SND1: variants seen among roughly 807,000 people sequenced by gnomAD.
The protein encoded by SND1 is staphylococcal nuclease and tudor domain containing 1, also known as staphylococcal nuclease domain-containing protein 1.
In SND1, 38 loss-of-function variants were observed where a neutral mutation model predicts 121.7. The ratio of observed to expected loss-of-function variants is 0.31; its 90% CI spans 0.24 to 0.41. The LOEUF is 0.41. Among genes scored for constraint, SND1 ranks in the 10% least tolerant of loss-of-function variants. SND1 has a pLI of 1.00. For synonymous variants in SND1, 401 were observed against 447.4 expected, an observed-to-expected ratio of 0.90 and a Z score of 1.31; for missense variants, 868 against 1,184.6, an observed-to-expected ratio of 0.73 and a Z score of 3.92.
intron 11 of SND1, among the ~76,000 whole-genome samples, chr7:127,813,178 AT>A (rs1332637618): frequency 1.3e-5 from 2 of 152,166 alleles, no homozygotes; most frequent in African/African-American, 4.8e-5. Flanking sequence ...CCGACCATGC[AT>A]TTTTCTAGGA....
At chr7:127,829,378 T>G (rs1554431895) in intron 11 of SND1, among the ~76,000 whole-genome samples, 1 of 152,156 alleles carries the variant, frequency 6.6e-6, no homozygotes, top group Non-Finnish European at 1.5e-5. Flanking sequence ...CACTGAAAGA[T>G]TTCTTCCTCA....
intron 13 of SND1, among the ~76,000 whole-genome samples, chr7:127,902,090 A>G (rs1262406793): frequency 6.6e-6 from 1 of 152,176 alleles, no homozygotes; most frequent in Non-Finnish European, 1.5e-5. Context: ...TCACAGAAAG[A>G]AAGCAGAATT....
chr7:127,936,305 A>G (rs1801061351), intron 15 of SND1, among the ~76,000 whole-genome samples: 1 of 152,026 alleles, frequency 6.6e-6, no homozygotes, highest in Non-Finnish European at 1.5e-5. Context: ...GTTAGCAAGG[A>G]AGCCAAGATC....
intron 10 of SND1, among the ~76,000 whole-genome samples, chr7:127,791,878 A>G (rs1381153786): frequency 6.6e-6 from 1 of 152,248 alleles, no homozygotes; most frequent in East Asian, 1.9e-4. Flanking sequence ...CCACGTTGAC[A>G]CATTTAAGCT....
intron 10 of SND1, among the ~76,000 whole-genome samples, chr7:127,784,301 G>A (rs1349041596): frequency 1.3e-5 from 2 of 152,140 alleles, no homozygotes; most frequent in Non-Finnish European, 2.9e-5. Context: ...GTCTCTGCCG[G>A]GCAAACAAAG....
At chr7:127,778,297 C>A (rs911252355) in intron 10 of SND1, among the ~76,000 whole-genome samples, 1 of 152,102 alleles carries the variant, frequency 6.6e-6, no homozygotes, top group Non-Finnish European at 1.5e-5. Flanking sequence ...CGGGTTCAAG[C>A]AATTCCCTGG....
At chr7:127,690,928 C>T (rs1388403610) in intron 2 of SND1, among the ~76,000 whole-genome samples, 1 of 152,208 alleles carries the variant, frequency 6.6e-6, no homozygotes, top group Admixed American at 6.5e-5. Flanking sequence ...AGAAACTCAG[C>T]TGTCTCTTAA....
At chr7:127,827,336 T>C (rs983179386) in intron 11 of SND1, among the ~76,000 whole-genome samples, 1 of 152,240 alleles carries the variant, frequency 6.6e-6, no homozygotes, top group Non-Finnish European at 1.5e-5. Flanking sequence ...TAAATATTGA[T>C]CATTTTTTAA....
intron 10 of SND1, among the ~76,000 whole-genome samples, chr7:127,803,877 T>C (rs1798181333): frequency 6.6e-6 from 1 of 152,260 alleles, no homozygotes; most frequent in Non-Finnish European, 1.5e-5. Context: ...TGACGTTACC[T>C]CTTCCATCTC....
chr7:127,791,858 A>G (rs150882888), intron 10 of SND1, among the ~76,000 whole-genome samples: 110 of 152,320 alleles, frequency 7.2e-4, no homozygotes, highest in Non-Finnish European at 1.3e-3. Context: ...CATTTTATGC[A>G]ATATAGTAAC....
rs534651941 is a variant in SND1 at position 127,904,899 on chromosome 7, T to C, written c.1527+80T>C. The C allele has an allele frequency of 5.4e-6, 5 of 928,804 alleles. No homozygotes were observed. The African/African-American group carries it at 8.1e-5, about 15-fold the overall frequency. The allele number at this position is 928,804 out of a possible 1,614,324, so 57.5% of individuals were successfully genotyped here. On this transcript the variant is annotated intron_variant, in intron 14 of 23. Transcript: ENST00000354725. ...GCATATTTGCTGAAGGACTTCAGCT[T>C]ATGTATTTTCTCTAGCTCGCTCCTT... is the stretch of plus-strand genomic sequence containing the variant.
At chr7:128,048,207 C>G (rs560036242) in intron 16 of SND1, among the ~76,000 whole-genome samples, 15 of 152,052 alleles carry the variant, frequency 9.9e-5, no homozygotes, top group Non-Finnish European at 2.1e-4. Flanking sequence ...TCTGGGAGAC[C>G]CTGAGACCAC....
chr7:127,911,286 C>T (rs1005160747), intron 14 of SND1, among the ~76,000 whole-genome samples: 8 of 152,224 alleles, frequency 5.3e-5, no homozygotes, highest in African/African-American at 1.9e-4. Flanking sequence ...GCCAAAGTGG[C>T]AGCCACCTCG....
At chr7:128,049,129 A>G (rs967777869) in intron 16 of SND1, among the ~76,000 whole-genome samples, 10 of 151,970 alleles carry the variant, frequency 6.6e-5, no homozygotes, top group African/African-American at 2.4e-4. Context: ...CCCTCATGCT[A>G]CCCTTACTGG....
rs557868158 is a variant in SND1, at chr7:127,850,413, A to C, written c.1343+5989A>C. Among the ~76,000 whole-genome samples, 4 of 152,350 alleles carry C rather than the reference A, an allele frequency of 2.6e-5. No individual in the cohort carries two copies. The South Asian group carries it at 8.3e-4, about 32-fold the overall frequency. On this transcript the variant is annotated intron_variant, in intron 12 of 23. Transcript: ENST00000354725. ...CTAGTCATCTTACCCAGAGAGGCCCACAACATCCTGAAGTTCCTTTTCAGC... is the reference window on the plus strand; with the variant it reads ...CTAGTCATCTTACCCAGAGAGGCCCCCAACATCCTGAAGTTCCTTTTCAGC...
intron 9 of SND1, among the ~76,000 whole-genome samples, chr7:127,709,670 T>C (rs183608812): frequency 5.8e-4 from 89 of 152,304 alleles, no homozygotes; most frequent in African/African-American, 2.0e-3. Flanking sequence ...GTTTTTTCTT[T>C]AAAAGAGAGC....
chr7:127,788,172 T>C (rs1797845729), intron 10 of SND1, among the ~76,000 whole-genome samples: 1 of 152,104 alleles, frequency 6.6e-6, no homozygotes, highest in East Asian at 1.9e-4. Flanking sequence ...GTCAACCCTT[T>C]CTCTCTCTTT....
intron 15 of SND1, among the ~76,000 whole-genome samples, chr7:127,936,356 C>T (rs897617747): frequency 6.6e-6 from 1 of 152,154 alleles, no homozygotes; most frequent in African/African-American, 2.4e-5. Context: ...CCTTTTTCCT[C>T]ATCTGGCCTT....
At chr7:128,038,718 T>C (rs1792797051) in intron 16 of SND1, among the ~76,000 whole-genome samples, 1 of 152,062 alleles carries the variant, frequency 6.6e-6, no homozygotes, top group Non-Finnish European at 1.5e-5. Flanking sequence ...TTTAGACTTA[T>C]AGACAGGTCA....
Sources: gnomAD v4.1 joint callset for allele counts (sites outside exome capture counted in the v4.1 genomes callset) on GRCh38, gnomAD v4.1.1 for gene constraint, MANE v1.5 for transcripts, NCBI Gene and HGNC (gene_info 2026-07-23, HGNC 2026-07-21) for gene names.